RAD54L2: variants seen among roughly 807,000 people sequenced by gnomAD.
RAD54L2 encodes helicase ARIP4.
Under a neutral mutation model 138.4 loss-of-function variants are expected in RAD54L2, and 27 were observed. The ratio of observed to expected loss-of-function variants is 0.20; its 90% CI spans 0.14 to 0.27. The LOEUF is 0.27. RAD54L2 is among the 10% of genes least tolerant of loss of function. RAD54L2 has a pLI of 1.00. For missense variants in RAD54L2, 1,396 were observed against 1,890.2 expected (o/e 0.74, Z 4.85); for synonymous variants, 644 against 723.2 (o/e 0.89, Z 1.76).
intron 22 of RAD54L2, 130 bp downstream of exon 22, chr3:51,660,248 G>C: frequency 1.6e-6 from 1 of 631,212 alleles, no homozygotes. Flanking sequence ...ACAGAAAGAG[G>C]TAAAGTGAAA....
chr3:51,604,307 G>A (rs937722522), intron 3 of RAD54L2, among the ~76,000 whole-genome samples: 3 of 152,176 alleles, frequency 2.0e-5, no homozygotes, highest in African/African-American at 4.8e-5. Context: ...TTTGTATGAT[G>A]TGAGATAGGG....
At chr3:51,568,045 C>T (rs965501848) in intron 2 of RAD54L2, among the ~76,000 whole-genome samples, 3 of 151,690 alleles carry the variant, frequency 2.0e-5, no homozygotes, top group Non-Finnish European at 4.4e-5. Flanking sequence ...TATGGTAGCT[C>T]ATGTTTTTTA....
Position 51,663,477 on chromosome 3 carries a change from A to G in RAD54L2, c.*57A>G, listed in dbSNP as rs904145. 1,512,899 of 1,553,750 alleles carry G rather than the reference A, an allele frequency of 0.97. 736,683 individuals are homozygous for G. Among genetic ancestry groups the G allele is most frequent in the East Asian group, 1 (44,334 of 44,340 alleles). On this transcript the variant is annotated 3_prime_UTR_variant, in exon 23 of 23. Transcript: ENST00000684192. ...CCCCAGCAGGTTGCCCACCAAGCTG[A>G]AAGGCAGTGATTTAGACCTTTTGAG...
In RAD54L2 at chr3:51,641,932, C is replaced by T. The variant is rs928374544; in HGVS notation, c.2350+65C>T. 3.1e-5 allele frequency: 34 copies of T among 1,094,044 alleles called. No homozygotes were observed. The Middle Eastern group carries it at 8.1e-4, about 26-fold the overall frequency. 67.8% of individuals were successfully genotyped at this position (1,094,044 alleles called of 1,614,324 possible). A position where few individuals can be genotyped will look rare whatever the true frequency, so the allele number is the denominator to read the frequency against. On this transcript the variant is annotated intron_variant, in intron 15 of 22. Transcript: ENST00000684192. ...GTCTGCTTAAGGGTTTCCTTTCCTTCTCTCTCTTTCTCTTTCTCCACTCCA... is the reference window on the plus strand; with the variant it reads ...GTCTGCTTAAGGGTTTCCTTTCCTTTTCTCTCTTTCTCTTTCTCCACTCCA...
At chr3:51,570,338 T>G (rs1699311441) in intron 2 of RAD54L2, among the ~76,000 whole-genome samples, 1 of 149,686 alleles carries the variant, frequency 6.7e-6, no homozygotes, top group African/African-American at 2.5e-5. Context: ...GAGATGGGAT[T>G]TCACCATCTT....
intron 3 of RAD54L2, among the ~76,000 whole-genome samples, chr3:51,593,491 C>T (rs1280232684): frequency 6.6e-6 from 1 of 152,036 alleles, no homozygotes; most frequent in Non-Finnish European, 1.5e-5. Flanking sequence ...CACCACCATG[C>T]GTGGCTAATT....
intron 3 of RAD54L2, among the ~76,000 whole-genome samples, chr3:51,606,422 T>G (rs1475764508): frequency 6.6e-6 from 1 of 152,126 alleles, no homozygotes; most frequent in Non-Finnish European, 1.5e-5. Flanking sequence ...GAATCCGTGA[T>G]GGACATGAGA....
At chr3:51,563,161 C>G (rs1699137340) in intron 2 of RAD54L2, among the ~76,000 whole-genome samples, 1 of 152,092 alleles carries the variant, frequency 6.6e-6, no homozygotes, top group African/African-American at 2.4e-5. Context: ...GGAGATGTGA[C>G]TCTCTAGAAT....
chr3:51,650,754 A>G (rs1701409496), intron 19 of RAD54L2, among the ~76,000 whole-genome samples: 2 of 152,254 alleles, frequency 1.3e-5, no homozygotes, highest in African/African-American at 4.8e-5. Flanking sequence ...CAAAGACACA[A>G]CGTACCAGAA....
In RAD54L2 at chr3:51,638,461, G is replaced by C. The variant is rs1701045334; in HGVS notation, c.1860+140G>C. The C allele has an allele frequency of 2.0e-6, 2 of 1,005,474 alleles. No individual in the cohort carries two copies. The highest frequency in any genetic ancestry group is 1.4e-6 in the Non-Finnish European group (1 of 692,934). 62.3% of individuals were successfully genotyped at this position (1,005,474 alleles called of 1,614,324 possible). ...CCTCAGTTCACTGCACTGGAGGTTT[G>C]GGGGCTCCAAGGAGAGAGGTGATGG... is the stretch of plus-strand genomic sequence containing the variant. On this transcript the variant is annotated intron_variant, in intron 12 of 22. Coordinates refer to ENST00000684192, the MANE Select transcript of RAD54L2 (RefSeq NM_015106.4). This position sits in a 1 kb window ranked among gnomAD's most constrained non-coding sequence, Gnocchi z 4.3.
chr3:51,552,767 C>G (rs548923507), intron 2 of RAD54L2, among the ~76,000 whole-genome samples: 321 of 151,348 alleles, frequency 2.1e-3, no homozygotes, highest in African/African-American at 7.6e-3. Context: ...ACTATGTTGC[C>G]CAGGCTGATT....
At position 51,556,338 on chromosome 3, in the gene RAD54L2, C is replaced by T. The variant is rs75794409; in HGVS notation, c.-55+14688C>T. 4.5e-3 allele frequency among the ~76,000 whole-genome samples: 690 copies of T among 152,042 alleles called. 4 individuals carry two copies. The highest frequency in any genetic ancestry group is 0.016 in the African/African-American group (663 of 41,488). ...TCACCCAGGCTGTAGTGCAGTGGTG[C>T]AATCTGCTCCCTATGGCCTCAACCT... On this transcript the variant is annotated intron_variant, in intron 2 of 22. Coordinates refer to ENST00000684192, the MANE Select transcript of RAD54L2 (RefSeq NM_015106.4).
At chr3:51,570,046 T>C (rs1163823159) in intron 2 of RAD54L2, among the ~76,000 whole-genome samples, 2 of 151,652 alleles carry the variant, frequency 1.3e-5, no homozygotes, top group Non-Finnish European at 2.9e-5. Context: ...TTGCCCAGGC[T>C]GTTCTCAAAC....
intron 3 of RAD54L2, among the ~76,000 whole-genome samples, chr3:51,621,658 A>T (rs746957776): frequency 3.9e-5 from 6 of 152,210 alleles, no homozygotes; most frequent in Non-Finnish European, 8.8e-5. Flanking sequence ...ACTCTGTCCT[A>T]TCTGCCTACT....
intron 7 of RAD54L2, among the ~76,000 whole-genome samples, chr3:51,631,966 C>T (rs1331325604): frequency 2.0e-5 from 3 of 152,086 alleles, no homozygotes; most frequent in East Asian, 1.9e-4. Context: ...CATTAACCAA[C>T]GTCTCTTCCT....
intron 19 of RAD54L2, among the ~76,000 whole-genome samples, chr3:51,654,312 G>A (rs1701538051): frequency 6.6e-6 from 1 of 152,150 alleles, no homozygotes; most frequent in African/African-American, 2.4e-5. Context: ...GCCTCCCAAG[G>A]TGCTGAGATT....
chr3:51,662,591 G>C lies in RAD54L2; in HGVS notation c.3575G>C (p.Arg1192Pro), dbSNP rs564540485. Residue 1192 changes from arginine (R) to proline (P), a missense_variant, in exon 23 of 23, where the codon CGT (arginine) becomes CCT (proline). This residue lies in a region of RAD54L2 where 634 missense variants were observed against 711.2 expected (regional missense o/e 0.89). Coordinates refer to ENST00000684192, the MANE Select transcript of RAD54L2 (RefSeq NM_015106.4). The surrounding 1 kb of genome is among the most constrained non-coding windows in gnomAD (Gnocchi z 4.6). ...YADVAAARES[R>P]QSSPSTNAAL... ...GATGTGGCTGCTGCCCGGGAATCCC[G>C]TCAGAGCTCCCCAAGCACCAATGCC... The C allele has an allele frequency of 6.2e-7, 1 of 1,613,370 alleles. No individual in the cohort carries two copies. Among genetic ancestry groups the C allele is most frequent in the East Asian group, 2.2e-5 (1 of 44,876 alleles).
chr3:51,608,642 C>T (rs1349166319), intron 3 of RAD54L2, among the ~76,000 whole-genome samples: 1 of 152,196 alleles, frequency 6.6e-6, no homozygotes, highest in Admixed American at 6.5e-5. Flanking sequence ...CCGGCCAACA[C>T]GGCGAAACCC....
intron 2 of RAD54L2, among the ~76,000 whole-genome samples, chr3:51,582,927 G>A (rs1347469978): frequency 6.6e-6 from 1 of 151,938 alleles, no homozygotes; most frequent in Non-Finnish European, 1.5e-5. Context: ...CACCGCGCCC[G>A]GCTAATTTTT....
Sources: gnomAD v4.1 joint callset for allele counts (sites outside exome capture counted in the v4.1 genomes callset) on GRCh38, gnomAD v4.1.1 for gene constraint, gnomAD v4.1.1 regional missense constraint, Gnocchi (gnomAD v3.1) non-coding constraint, MANE v1.5 for transcripts, NCBI Gene and HGNC (gene_info 2026-07-23, HGNC 2026-07-21) for gene names.